The following DRAM2 variants were observed in gnomAD, a reference collection of about 807,000 sequenced individuals.
DRAM2 encodes DNA damage-regulated autophagy modulator protein 2.
DRAM2 carries 26 observed loss-of-function variants against 33.5 expected under a neutral mutation model. That is an observed-to-expected ratio of 0.78 (90% CI 0.57 to 1.08). The LOEUF is 1.08. DRAM2 is among the 50% of genes least tolerant of loss of function. DRAM2 has a pLI of 0.00. For missense variants in DRAM2, 311 were observed against 318.1 expected (o/e 0.98, Z 0.17); for synonymous variants, 98 against 109.5 (o/e 0.89, Z 0.66).
intron 6 of DRAM2, 24 bp downstream of exon 6, chr1:111,124,717 AC>A: frequency 6.2e-7 from 1 of 1,611,922 alleles, no homozygotes; most frequent in Non-Finnish European, 8.5e-7. Flanking sequence ...TAAGGAAAAT[AC>A]CTATGCTGGG....
In DRAM2 at chr1:111,118,201, T is replaced by C. The variant is rs1338016887; in HGVS notation, c.760A>G (p.Ile254Val). The change falls in exon 10 of 10, where the codon ATT becomes GTT. Residue 254 changes from isoleucine (I) to valine (V), a missense_variant. Coordinates refer to ENST00000484310, the MANE Select transcript of DRAM2 (RefSeq NM_001349884.2). ...AGTAGCCGTGTTCGTTCATTGTTAA[T>C]AGGGCAAGGTGCAGTGTCATAGAGG... is the stretch of plus-strand genomic sequence containing the variant. ...LTLYDTAPCP[I>V]NNERTRLLSR... The C allele has an allele frequency of 3.7e-6, 6 of 1,613,178 alleles. No individual in the cohort carries two copies. Among genetic ancestry groups the C allele is most frequent in the Non-Finnish European group, 4.2e-6 (5 of 1,179,304 alleles).
chr1:111,138,193 T>C (rs1653653390), intron 2 of DRAM2, among the ~76,000 whole-genome samples: 1 of 152,230 alleles, frequency 6.6e-6, no homozygotes, highest in Non-Finnish European at 1.5e-5. Flanking sequence ...GTACGAATTA[T>C]CTTGGATTCG....
At chr1:111,118,295 G>A in intron 9 of DRAM2, 28 bp from the exon 10 acceptor site, 1 of 1,517,820 alleles carries the variant, frequency 6.6e-7, no homozygotes, top group Non-Finnish European at 9.1e-7. Flanking sequence ...ATTATATATA[G>A]AAGTTTGCTC....
chr1:111,124,881 C>A lies in DRAM2; in HGVS notation c.200G>T (p.Cys67Phe). ...ATAACGAACATAAATGGTAGCAATG[C>A]CTGGGAAAAGATAATCCAAAAAACA... ...GAMLNIAAVL[C>F]IATIYVRYKQ... The change falls in exon 6 of 10, where the codon TGC (cysteine) becomes TTC (phenylalanine). Residue 67 changes from cysteine to phenylalanine, a missense_variant and splice_region_variant. Cys to Phe is a radical substitution (Grantham distance 205, BLOSUM62 -2). Transcript: ENST00000484310. The A allele has an allele frequency of 1.2e-6, 2 of 1,608,972 alleles. No individual in the cohort carries two copies. The highest frequency in any genetic ancestry group is 1.7e-6 in the Non-Finnish European group (2 of 1,178,256).
intron 4 of DRAM2, chr1:111,128,167 C>T (rs1264304045): frequency 1.5e-5 from 2 of 132,394 alleles, no homozygotes; most frequent in Non-Finnish European, 1.5e-5. Context: ...GACAGAGTCT[C>T]GCTCTGTTGC....
At chr1:111,122,005 A>C (rs1330922276) in intron 6 of DRAM2, among the ~76,000 whole-genome samples, 1 of 152,182 alleles carries the variant, frequency 6.6e-6, no homozygotes, top group African/African-American at 2.4e-5. Flanking sequence ...TAAGGAGCAC[A>C]AAAAGGCTAG....
chr1:111,118,945 G>C (rs1287066463), intron 8 of DRAM2, 48 bp from the exon 9 acceptor site: 2 of 1,309,264 alleles, frequency 1.5e-6, no homozygotes, highest in African/African-American at 3.0e-5. Context: ...TCATTTAAAC[G>C]ATCTATATAC....
intron 3 of DRAM2, among the ~76,000 whole-genome samples, chr1:111,136,322 T>C: frequency 6.6e-6 from 1 of 152,280 alleles, no homozygotes; most frequent in East Asian, 1.9e-4. Context: ...ATCCAGCACT[T>C]TGGGAGGCCG....
rs1359521489 is a variant in DRAM2 at position 111,118,854 on chromosome 1, A to G, written c.644T>C (p.Met215Thr). 1.2e-6 allele frequency: 2 copies of G among 1,610,650 alleles called. No homozygotes were observed. The highest frequency in any genetic ancestry group is 2.2e-5 in the East Asian group (1 of 44,624). ...GAAAAAACCAAAGAAGGAAAATGAC[A>G]TAGACCATTCTGCTGCAGTAGTGAT... The part of the protein sequence containing the change: ...HMITTAAEWS[M>T]SFSFFGFFLT... Residue 215 changes from methionine (M) to threonine (T), a missense_variant, in exon 9 of 10, where the codon ATG becomes ACG. By Grantham distance (81) the Met-to-Thr change is moderately conservative. Coordinates refer to ENST00000484310, the MANE Select transcript of DRAM2 (RefSeq NM_001349884.2).
chr1:111,131,385 C>T (rs1468384215), intron 4 of DRAM2, 39 bp downstream of exon 4: 2 of 1,569,204 alleles, frequency 1.3e-6, no homozygotes, highest in Non-Finnish European at 1.7e-6. Flanking sequence ...AAGAATGAGA[C>T]ATAAAGAGTC....
chr1:111,121,992 A>G (rs2101026642), intron 6 of DRAM2, among the ~76,000 whole-genome samples: 1 of 152,292 alleles, frequency 6.6e-6, no homozygotes, highest in South Asian at 2.1e-4. Flanking sequence ...AGCTTGTCCT[A>G]TTTAAGGAGC....
intron 4 of DRAM2, among the ~76,000 whole-genome samples, 166 bp downstream of exon 4, chr1:111,131,258 A>G (rs1652017443): frequency 6.6e-6 from 1 of 152,220 alleles, no homozygotes; most frequent in Non-Finnish European, 1.5e-5. Context: ...ACATTTCTCT[A>G]TCACAAAGAA....
intron 5 of DRAM2, 143 bp downstream of exon 5, chr1:111,126,084 G>A (rs1476115853): frequency 6.8e-6 from 4 of 585,030 alleles, no homozygotes; most frequent in African/African-American, 1.9e-5. Context: ...CTTTTAAAAG[G>A]AGCATAATTA....
rs1482110759 is a variant in DRAM2 at position 111,129,810 on chromosome 1, A to G, written c.131+1614T>C. 2.0e-5 allele frequency among the ~76,000 whole-genome samples: 3 copies of G among 152,182 alleles called. No homozygotes were observed. In the East Asian group the frequency reaches 5.8e-4, roughly 29 times the overall value. On this transcript the variant is annotated intron_variant, in intron 4 of 9. Coordinates refer to ENST00000484310, the MANE Select transcript of DRAM2 (RefSeq NM_001349884.2). The stretch of plus-strand genomic sequence containing the variant: ...TCACTTTTTATAAATGAAACAAAAT[A>G]AAAAACCCAAAAAAGTGAGAAAGAA...
intron 3 of DRAM2, among the ~76,000 whole-genome samples, chr1:111,136,553 C>A (rs1653211003): frequency 6.6e-6 from 1 of 151,506 alleles, no homozygotes; most frequent in Non-Finnish European, 1.5e-5. Context: ...CCACTGCACT[C>A]CAGCCTGGGC....
chr1:111,131,911 A>G (rs1269045072), intron 3 of DRAM2, among the ~76,000 whole-genome samples: 1 of 152,208 alleles, frequency 6.6e-6, no homozygotes, highest in East Asian at 1.9e-4. Context: ...TTGGTCAATT[A>G]TAACTTCCTA....
intron 1 of DRAM2, 175 bp from the exon 2 acceptor site, chr1:111,139,841 C>G (rs561982441): frequency 7.2e-5 from 11 of 152,756 alleles, no homozygotes; most frequent in Admixed American, 2.0e-4. Flanking sequence ...AACCAGCCCC[C>G]CTCTGGCGCC....
Position 111,128,439 on chromosome 1 carries a change from T to C in DRAM2, c.132-2145A>G, listed in dbSNP as rs564261991. ...AGGGTGCTTTTTAAAGAAAATCACA[T>C]GCAGTACCACCAAGGAAGTGAAACT... On this transcript the variant is annotated intron_variant, in intron 4 of 9. Transcript: ENST00000484310. Among the ~76,000 whole-genome samples the C allele has an allele frequency of 2.7e-4, 41 of 152,214 alleles. No homozygotes were observed. The East Asian group carries it at 6.2e-3, about 23-fold the overall frequency.
At chr1:111,122,271 T>C (rs182114239) in intron 6 of DRAM2, among the ~76,000 whole-genome samples, 3 of 152,194 alleles carry the variant, frequency 2.0e-5, no homozygotes, top group East Asian at 1.9e-4. Flanking sequence ...TATGAAGAAA[T>C]GATTCAAGGA....
Sources: allele counts gnomAD v4.1 joint callset (sites outside exome capture counted in the v4.1 genomes callset), GRCh38; gene constraint gnomAD v4.1.1; transcripts MANE v1.5; gene names NCBI Gene and HGNC (gene_info 2026-07-23, HGNC 2026-07-21).